Variants in CNTN5 observed in about 807,000 individuals in gnomAD.
The protein encoded by CNTN5 is contactin 5.
A neutral mutation model predicts 129.1 loss-of-function variants in CNTN5; 77 were observed. The ratio of observed to expected loss-of-function variants is 0.60; its 90% CI spans 0.50 to 0.72. CNTN5 has a LOEUF of 0.72. Among genes scored for constraint, CNTN5 ranks in the 30% least tolerant of loss-of-function variants. CNTN5 has a pLI of 0.00. For synonymous variants in CNTN5, 509 were observed against 465.6 expected (o/e 1.09, Z -1.20); for missense variants, 1,478 against 1,328.8 (o/e 1.11, Z -1.75).
At chr11:100,343,949 TA>T (rs1469126658) in intron 23 of CNTN5, among the ~76,000 whole-genome samples, 1 of 152,086 alleles carries the variant, frequency 6.6e-6, no homozygotes, top group Non-Finnish European at 1.5e-5. Context: ...TCCCACAAGG[TA>T]GTTTGAGGCG....
intron 1 of CNTN5, among the ~76,000 whole-genome samples, chr11:99,181,607 C>A (rs563860283): frequency 6.6e-6 from 1 of 152,254 alleles, no homozygotes; most frequent in Admixed American, 6.5e-5. Context: ...CATGATGACC[C>A]AGGTACTGAT....
intron 9 of CNTN5, among the ~76,000 whole-genome samples, chr11:100,044,348 A>T (rs1432407549): frequency 1.3e-5 from 2 of 152,136 alleles, no homozygotes; most frequent in Admixed American, 6.5e-5. Context: ...GATACCCAGC[A>T]ATGAAATTGC....
At chr11:99,357,952 C>T (rs1338146137) in intron 2 of CNTN5, among the ~76,000 whole-genome samples, 3 of 150,102 alleles carry the variant, frequency 2.0e-5, no homozygotes, top group Non-Finnish European at 4.4e-5. Context: ...TGCAGTAAGC[C>T]GAGGTCGCGC....
chr11:100,107,912 A>G (rs57999888), intron 13 of CNTN5, among the ~76,000 whole-genome samples: 2,517 of 152,178 alleles, frequency 0.017, 67 homozygotes, highest in African/African-American at 0.057. Context: ...TATAGTTTAT[A>G]GAAAGCAAAG....
At chr11:99,698,452 A>G (rs917110451) in intron 3 of CNTN5, among the ~76,000 whole-genome samples, 3 of 151,488 alleles carry the variant, frequency 2.0e-5, no homozygotes, top group Non-Finnish European at 4.4e-5. Flanking sequence ...CTGTGTTTTC[A>G]TGAATATTCA....
chr11:100,049,804 A>C (rs1942863838), intron 9 of CNTN5, among the ~76,000 whole-genome samples: 2 of 152,292 alleles, frequency 1.3e-5, no homozygotes, highest in East Asian at 3.9e-4. Flanking sequence ...CCCATCAAAA[A>C]GTGGGCAAAG....
chr11:99,106,224 C>T (rs924221923), intron 1 of CNTN5, among the ~76,000 whole-genome samples: 7 of 151,850 alleles, frequency 4.6e-5, no homozygotes, highest in Non-Finnish European at 1.0e-4. Context: ...AAAGTAAATA[C>T]CCATACAACA....
At position 99,509,562 on chromosome 11, in the gene CNTN5, C is replaced by A. The variant is rs545529105; in HGVS notation, c.-70-46583C>A. Among the ~76,000 whole-genome samples, 3 of 151,946 alleles carry A rather than the reference C, an allele frequency of 2.0e-5. No homozygotes were observed. The South Asian group carries it at 6.2e-4, about 32-fold the overall frequency. ...AGCAGTCTTTTAAAATATAACTGAC[C>A]AAAATGATTTTTAGACTCTGATACA... On this transcript the variant is annotated intron_variant, in intron 2 of 24. Coordinates refer to ENST00000524871, the MANE Select transcript of CNTN5 (RefSeq NM_014361.4).
At chr11:100,203,930 A>C (rs1948848174) in intron 15 of CNTN5, among the ~76,000 whole-genome samples, 1 of 151,734 alleles carries the variant, frequency 6.6e-6, no homozygotes, top group Non-Finnish European at 1.5e-5. Context: ...ATTCTCTGAA[A>C]ATATCATGTT....
chr11:100,012,160 C>T (rs1940569273), intron 9 of CNTN5, among the ~76,000 whole-genome samples: 1 of 152,080 alleles, frequency 6.6e-6, no homozygotes, highest in Admixed American at 6.6e-5. Flanking sequence ...GAAAGTGGTG[C>T]ATTACAGAAT....
At chr11:100,140,618 T>G (rs905952938) in intron 13 of CNTN5, among the ~76,000 whole-genome samples, 2 of 152,102 alleles carry the variant, frequency 1.3e-5, no homozygotes, top group African/African-American at 4.8e-5. Context: ...GCCAAAGGCC[T>G]GACCAGAGGC....
At chr11:99,401,233 A>T (rs985178834) in intron 2 of CNTN5, among the ~76,000 whole-genome samples, 6 of 152,082 alleles carry the variant, frequency 3.9e-5, no homozygotes, top group African/African-American at 1.4e-4. Context: ...TAAGTCTTTG[A>T]TCCATTTTGA....
chr11:99,393,929 T>C (rs1941394561), intron 2 of CNTN5, among the ~76,000 whole-genome samples: 2 of 151,758 alleles, frequency 1.3e-5, no homozygotes, highest in African/African-American at 4.8e-5. Flanking sequence ...TCAAACTGTT[T>C]AATTAGTGAG....
At chr11:99,548,886 A>G (rs777494553) in intron 2 of CNTN5, among the ~76,000 whole-genome samples, 11 of 152,044 alleles carry the variant, frequency 7.2e-5, no homozygotes, top group Non-Finnish European at 1.3e-4. Context: ...AATTTTATCA[A>G]TTCTGGAAAA....
chr11:99,577,467 C>A (rs1949393316), intron 3 of CNTN5, among the ~76,000 whole-genome samples: 1 of 152,074 alleles, frequency 6.6e-6, no homozygotes, highest in African/African-American at 2.4e-5. Flanking sequence ...GATGTTTTTA[C>A]TAGATTAACG....
chr11:99,325,273 C>G (rs1865734246), intron 1 of CNTN5, 73 bp from the exon 2 acceptor site: 1 of 148,410 alleles, frequency 6.7e-6, no homozygotes. Context: ...TAATAAGATG[C>G]ATGGGTTTTG....
chr11:100,132,217 T>A (rs1184841929), intron 13 of CNTN5, among the ~76,000 whole-genome samples: 1 of 152,116 alleles, frequency 6.6e-6, no homozygotes, highest in Non-Finnish European at 1.5e-5. Flanking sequence ...CTTATTCAGG[T>A]TTCTAATACT....
intron 6 of CNTN5, among the ~76,000 whole-genome samples, chr11:99,899,346 G>T (rs1262488554): frequency 6.6e-6 from 1 of 151,926 alleles, no homozygotes; most frequent in East Asian, 1.9e-4. Flanking sequence ...TGTTCAATCT[G>T]ATGTTGCCTG....
chr11:100,310,791 G>A (rs565024836), intron 21 of CNTN5, among the ~76,000 whole-genome samples: 30 of 151,952 alleles, frequency 2.0e-4, no homozygotes, highest in African/African-American at 5.5e-4. Flanking sequence ...AATGAGAGAC[G>A]GCAGAGAGAA....
Sources: gnomAD v4.1 joint callset for allele counts (sites outside exome capture counted in the v4.1 genomes callset) on GRCh38, gnomAD v4.1.1 for gene constraint, MANE v1.5 for transcripts, NCBI Gene and HGNC (gene_info 2026-07-23, HGNC 2026-07-21) for gene names.